Variants in IL4 observed in about 807,000 individuals in gnomAD.
The protein encoded by IL4 is interleukin 4.
In IL4, 10 loss-of-function variants were observed where a neutral mutation model predicts 17.4. That is an observed-to-expected ratio of 0.57 (90% CI 0.35 to 0.97). IL4 has a LOEUF of 0.97. Among genes scored for constraint, IL4 ranks in the 50% least tolerant of loss-of-function variants. The probability of loss-of-function intolerance (pLI) is 0.01; values close to 1 mark genes in which losing one functional copy is unlikely to be tolerated. For missense variants in IL4, 174 were observed against 187.7 expected (o/e 0.93, Z 0.43); for synonymous variants, 87 against 79.0 (o/e 1.10, Z -0.54).
intron 2 of IL4, among the ~76,000 whole-genome samples, chr5:132,679,482 TG>T (rs1752443154): frequency 6.6e-6 from 1 of 152,094 alleles, no homozygotes. Flanking sequence ...GAAAGGAAAC[TG>T]GGAGGTTCTG....
Position 132,674,173 on chromosome 5 carries a change from C to A in IL4, c.123C>A (p.Leu41=). The A allele has an allele frequency of 6.2e-7, 1 of 1,614,172 alleles. No individual in the cohort carries two copies. ...AGATCATCAAAACTTTGAACAGCCT[C>A]ACAGAGCAGAAGGTGAGTACCTATC... ...LQEIIKTLNS[L]TEQKTLCTEL... The change falls in exon 1 of 4, where the codon CTC becomes CTA. Residue 41 remains leucine, a synonymous_variant. Coordinates refer to ENST00000231449, the MANE Select transcript of IL4 (RefSeq NM_000589.4).
At chr5:132,678,176 T>G (rs987943548) in intron 2 of IL4, among the ~76,000 whole-genome samples, 1 of 152,234 alleles carries the variant, frequency 6.6e-6, no homozygotes, top group African/African-American at 2.4e-5. Flanking sequence ...GTTTACTCAC[T>G]GCCGCTTATT....
At chr5:132,675,929 A>ATGTGTGTGTGTGTGTGTG (rs2234664) in intron 2 of IL4, among the ~76,000 whole-genome samples, 4,658 of 140,872 alleles carry the variant, frequency 0.033, 251 homozygotes, top group East Asian at 0.22. Context: ...GTGTATGTAT[A>ATGTGTGTGTGTGTGTGTG]TGTGTGTGTG....
At chr5:132,678,450 T>G (rs1215329550) in intron 2 of IL4, among the ~76,000 whole-genome samples, 1 of 152,242 alleles carries the variant, frequency 6.6e-6, no homozygotes. Flanking sequence ...TGAGTGAATG[T>G]ATTTTTGTTG....
chr5:132,674,336 T>C, intron 1 of IL4, 123 bp from the exon 2 acceptor site: 1 of 1,358,342 alleles, frequency 7.4e-7, no homozygotes, highest in Non-Finnish European at 1.0e-6. Flanking sequence ...CTGCCACTCT[T>C]TTTTCTGAGG....
At chr5:132,674,410 G>A (rs200338149) in intron 1 of IL4, 49 bp from the exon 2 acceptor site, 40 of 1,581,636 alleles carry the variant, frequency 2.5e-5, no homozygotes, top group Non-Finnish European at 3.5e-5. Context: ...TCTCTGTCCG[G>A]TTGGAGGTTA....
chr5:132,674,788 G>C (rs1752348089), intron 2 of IL4, among the ~76,000 whole-genome samples: 1 of 152,234 alleles, frequency 6.6e-6, no homozygotes, highest in Non-Finnish European at 1.5e-5. Context: ...CTTTGGCATA[G>C]TGCCTGGAAC....
chr5:132,681,661 T>C (rs1243977850), intron 3 of IL4, among the ~76,000 whole-genome samples: 1 of 152,068 alleles, frequency 6.6e-6, no homozygotes, highest in Non-Finnish European at 1.5e-5. Context: ...CAGGAAGAAC[T>C]GAAGAGAGCA....
chr5:132,679,631 A>G (rs971305044), intron 2 of IL4, 83 bp from the exon 3 acceptor site: 18 of 1,249,906 alleles, frequency 1.4e-5, no homozygotes, highest in Non-Finnish European at 1.8e-5. Flanking sequence ...TCCTCCTGGA[A>G]AGAAGAAATC....
intron 2 of IL4, among the ~76,000 whole-genome samples, chr5:132,674,932 C>T (rs1752350466): frequency 6.6e-6 from 1 of 152,222 alleles, no homozygotes; most frequent in Admixed American, 6.5e-5. Context: ...GTCTAAGAGA[C>T]TTCCTATGGC....
intron 2 of IL4, among the ~76,000 whole-genome samples, chr5:132,677,487 C>G (rs2227282): frequency 0.52 from 78,344 of 152,122 alleles, 25,447 homozygotes; most frequent in Non-Finnish European, 0.74. Context: ...ACCAGAGCAA[C>G]TAAAACGTTA....
chr5:132,678,144 G>A (rs1218135646), intron 2 of IL4, among the ~76,000 whole-genome samples: 1 of 152,182 alleles, frequency 6.6e-6, no homozygotes, highest in African/African-American at 2.4e-5. Flanking sequence ...ATAAATAAGA[G>A]ATGAACACAA....
Position 132,679,893 on chromosome 5 carries a change from A to G in IL4, c.360+3A>G. ...ACCTCTGGGGCCTGGCGGGCTTGGT[A>G]AGCTGCACTGTATTCCTGGCAAGCC... On this transcript the variant is annotated splice_donor_region_variant and intron_variant, in intron 3 of 3. Transcript: ENST00000231449. The G allele has an allele frequency of 6.2e-7, 1 of 1,609,960 alleles. No homozygotes were observed. The highest frequency in any genetic ancestry group is 8.5e-7 in the Non-Finnish European group (1 of 1,178,328).
intron 2 of IL4, 62 bp from the exon 3 acceptor site, chr5:132,679,652 A>C (rs1447986579): frequency 7.0e-7 from 1 of 1,418,702 alleles, no homozygotes; most frequent in Non-Finnish European, 9.7e-7. Context: ...AAGAGGAAAA[A>C]TCTCTCTCCC....
intron 2 of IL4, among the ~76,000 whole-genome samples, chr5:132,678,934 T>C (rs568463368): frequency 2.0e-5 from 3 of 152,338 alleles, no homozygotes; most frequent in Admixed American, 1.3e-4. Flanking sequence ...AAGAGCCATG[T>C]GGCCAGACCC....
Position 132,679,779 on chromosome 5 carries a change from T to A in IL4, c.249T>A (p.His83Gln). Reference sequence around the variant, plus strand: ...TGCTCCGGCAGTTCTACAGCCACCATGAGAAGGACACTCGCTGCCTGGGTG... The same window carrying A: ...TGCTCCGGCAGTTCTACAGCCACCAAGAGAAGGACACTCGCTGCCTGGGTG... Reference protein sequence around the residue: ...ATVLRQFYSHHEKDTRCLGAT... With the variant: ...ATVLRQFYSHQEKDTRCLGAT... Residue 83 changes from histidine (H) to glutamine (Q), a missense_variant, in exon 3 of 4, where the codon CAT becomes CAA. Physicochemically the swap from His to Gln is conservative, Grantham distance 24 (BLOSUM62 0). Transcript: ENST00000231449. The A allele has an allele frequency of 6.2e-7, 1 of 1,614,096 alleles. No homozygotes were observed. Among genetic ancestry groups the A allele is most frequent in the South Asian group, 1.1e-5 (1 of 91,082 alleles).
chr5:132,679,728 G>C lies in IL4; in HGVS notation c.198G>C (p.Lys66Asn). 1.2e-6 allele frequency: 2 copies of C among 1,613,308 alleles called. No homozygotes were observed. The highest frequency in any genetic ancestry group is 8.5e-7 in the Non-Finnish European group (1 of 1,179,648). ...IFAASKNTTE[K>N]ETFCRAATVL... ...TGTCTTTCCAGAACACAACTGAGAA[G>C]GAAACCTTCTGCAGGGCTGCGACTG... is the stretch of plus-strand genomic sequence containing the variant. The change falls in exon 3 of 4, where the codon AAG (lysine) becomes AAC (asparagine). Residue 66 changes from lysine to asparagine, a missense_variant. By Grantham distance (94) the Lys-to-Asn change is moderately conservative. Coordinates refer to ENST00000231449, the MANE Select transcript of IL4 (RefSeq NM_000589.4).
intron 1 of IL4, 41 bp from the exon 2 acceptor site, chr5:132,674,418 T>C (rs934913017): frequency 1.1e-5 from 17 of 1,602,062 alleles, no homozygotes; most frequent in Non-Finnish European, 1.4e-5. Flanking sequence ...CGGTTGGAGG[T>C]TAACTCTGTC....
Position 132,679,876 on chromosome 5 carries a change from G to T in IL4, c.346G>T (p.Gly116Cys). ...GAAACGGCTCGACAGGAACCTCTGG[G>T]GCCTGGCGGGCTTGGTAAGCTGCAC... The part of the protein sequence containing the change: ...FLKRLDRNLW[G>C]LAGLNSCPVK... Residue 116 changes from glycine to cysteine, a missense_variant, in exon 3 of 4, where the codon GGC becomes TGC. Physicochemically the swap from Gly to Cys is radical, Grantham distance 159 (BLOSUM62 -3). Coordinates refer to ENST00000231449, the MANE Select transcript of IL4 (RefSeq NM_000589.4). 6.2e-7 allele frequency: 1 copy of T among 1,612,354 alleles called. No homozygotes were observed. The highest frequency in any genetic ancestry group is 8.5e-7 in the Non-Finnish European group (1 of 1,179,368).
Sources: allele counts gnomAD v4.1 joint callset (sites outside exome capture counted in the v4.1 genomes callset), GRCh38; gene constraint gnomAD v4.1.1; transcripts MANE v1.5; gene names NCBI Gene and HGNC (gene_info 2026-07-23, HGNC 2026-07-21).